SPATA17: variants seen among roughly 807,000 people sequenced by gnomAD.
SPATA17 encodes spermatogenesis-associated protein 17.
Under a neutral mutation model 62.2 loss-of-function variants are expected in SPATA17, and 53 were observed. That is an observed-to-expected ratio of 0.85 (90% CI 0.68 to 1.07). The LOEUF (loss-of-function observed/expected upper bound fraction) is 1.07. Among genes scored for constraint, SPATA17 ranks in the 50% least tolerant of loss-of-function variants. SPATA17 has a pLI of 0.00. For missense variants in SPATA17, 466 were observed against 425.5 expected, an observed-to-expected ratio of 1.10 and a Z score of -0.84; for synonymous variants, 146 against 146.8, an observed-to-expected ratio of 0.99 and a Z score of 0.04.
At chr1:217,697,261 G>A (rs773747054) in intron 5 of SPATA17, among the ~76,000 whole-genome samples, 5 of 152,172 alleles carry the variant, frequency 3.3e-5, no homozygotes, top group Admixed American at 1.3e-4. Flanking sequence ...GATTATAGGC[G>A]TGAGTCGCCG....
At chr1:217,844,917 T>A (rs1675489794) in intron 9 of SPATA17, among the ~76,000 whole-genome samples, 1 of 151,930 alleles carries the variant, frequency 6.6e-6, no homozygotes, top group African/African-American at 2.4e-5. Flanking sequence ...CTTTTTGAAT[T>A]TTTTTTTATT....
At position 217,869,389 on chromosome 1, in the gene SPATA17, A is replaced by G. The variant is rs1174367782; in HGVS notation, c.*2370A>G. On this transcript the variant is annotated 3_prime_UTR_variant, in exon 11 of 11. Transcript: ENST00000366933. ...GAAGCCTCCAGGTGGCAGACTTCAG[A>G]GAGCATAGATTGTAAATGTTTCTTA... The G allele has an allele frequency of 3.3e-5, 5 of 152,166 alleles. No individual in the cohort carries two copies. Among genetic ancestry groups the G allele is most frequent in the African/African-American group, 7.2e-5 (3 of 41,452 alleles). 9.4% of individuals were successfully genotyped at this position (152,166 alleles called of 1,614,324 possible).
At chr1:217,728,713 A>G (rs1672329173) in intron 5 of SPATA17, among the ~76,000 whole-genome samples, 1 of 152,206 alleles carries the variant, frequency 6.6e-6, no homozygotes, top group African/African-American at 2.4e-5. Flanking sequence ...TTCAATAAAT[A>G]GGTAAACTGT....
At chr1:217,734,667 C>T (rs1319076866) in intron 5 of SPATA17, among the ~76,000 whole-genome samples, 1 of 152,034 alleles carries the variant, frequency 6.6e-6, no homozygotes, top group Admixed American at 6.6e-5. Context: ...TTTAAGAAAT[C>T]TATGTAGTAT....
At chr1:217,704,877 G>T (rs1671696853) in intron 5 of SPATA17, among the ~76,000 whole-genome samples, 1 of 152,146 alleles carries the variant, frequency 6.6e-6, no homozygotes, top group African/African-American at 2.4e-5. Flanking sequence ...ATGAGCACAT[G>T]TCTTTATGGC....
intron 3 of SPATA17, among the ~76,000 whole-genome samples, chr1:217,667,111 G>A (rs1168608901): frequency 1.6e-5 from 2 of 126,482 alleles, no homozygotes; most frequent in Non-Finnish European, 3.1e-5. Flanking sequence ...GCAGTGGCTT[G>A]ATCTTGGCTC....
chr1:217,785,545 C>G (rs1453049602), intron 8 of SPATA17, among the ~76,000 whole-genome samples: 1 of 152,102 alleles, frequency 6.6e-6, no homozygotes, highest in Admixed American at 6.6e-5. Context: ...AAAATCTGCC[C>G]GCATGATCCA....
intron 9 of SPATA17, among the ~76,000 whole-genome samples, chr1:217,846,345 T>A (rs1169589350): frequency 3.3e-5 from 5 of 152,134 alleles, no homozygotes; most frequent in Admixed American, 6.6e-5. Flanking sequence ...CAGTCTAGCA[T>A]ATTAATATGT....
chr1:217,641,715 G>C (rs1334858950), intron 1 of SPATA17, among the ~76,000 whole-genome samples: 1 of 152,046 alleles, frequency 6.6e-6, no homozygotes, highest in Non-Finnish European at 1.5e-5. Context: ...TGAATCATAT[G>C]AGAGTAAGTT....
intron 3 of SPATA17, among the ~76,000 whole-genome samples, chr1:217,660,558 A>G (rs1357978900): frequency 6.6e-6 from 1 of 152,210 alleles, no homozygotes; most frequent in Admixed American, 6.5e-5. Flanking sequence ...CATAAAAAGG[A>G]TGATTCATAC....
chr1:217,747,736 C>T (rs939449888), intron 6 of SPATA17, among the ~76,000 whole-genome samples: 15 of 152,026 alleles, frequency 9.9e-5, no homozygotes, highest in African/African-American at 3.6e-4. Context: ...ACTTTAATTA[C>T]AATTGTTACA....
intron 5 of SPATA17, among the ~76,000 whole-genome samples, chr1:217,713,449 G>A (rs1671926400): frequency 6.6e-6 from 1 of 152,126 alleles, no homozygotes; most frequent in African/African-American, 2.4e-5. Flanking sequence ...ATGAAGAGAT[G>A]ACTCATTAGG....
chr1:217,679,706 A>G (rs1292760423), intron 4 of SPATA17, among the ~76,000 whole-genome samples: 1 of 152,244 alleles, frequency 6.6e-6, no homozygotes, highest in African/African-American at 2.4e-5. Context: ...TCAGGACATT[A>G]GAATGTTTTC....
chr1:217,859,956 G>T (rs993894758), intron 9 of SPATA17, among the ~76,000 whole-genome samples: 2 of 151,780 alleles, frequency 1.3e-5, no homozygotes, highest in Non-Finnish European at 2.9e-5. Context: ...TAATTAATTT[G>T]CTCTTTTTAA....
intron 9 of SPATA17, among the ~76,000 whole-genome samples, chr1:217,841,103 G>A (rs1675385147): frequency 6.6e-6 from 1 of 151,646 alleles, no homozygotes; most frequent in South Asian, 2.1e-4. Context: ...ATGTTTAAGT[G>A]GTAAAATGTT....
intron 8 of SPATA17, among the ~76,000 whole-genome samples, chr1:217,798,085 G>T (rs1376623956): frequency 1.3e-5 from 2 of 152,054 alleles, no homozygotes; most frequent in Non-Finnish European, 2.9e-5. Context: ...CTAAAATTTT[G>T]CTATAAGAAC....
At chr1:217,712,643 A>T (rs1489097525) in intron 5 of SPATA17, among the ~76,000 whole-genome samples, 1 of 151,972 alleles carries the variant, frequency 6.6e-6, no homozygotes, top group Non-Finnish European at 1.5e-5. Context: ...TTTTTATTTT[A>T]GCAATTTTTA....
At chr1:217,800,346 T>C (rs1674277791) in intron 8 of SPATA17, among the ~76,000 whole-genome samples, 1 of 151,552 alleles carries the variant, frequency 6.6e-6, no homozygotes, top group African/African-American at 2.4e-5. Flanking sequence ...ATCAGTCTTC[T>C]GAAGGATATA....
chr1:217,861,315 T>C (rs1190716866), intron 9 of SPATA17, among the ~76,000 whole-genome samples: 3 of 151,254 alleles, frequency 2.0e-5, no homozygotes, highest in African/African-American at 7.3e-5. Flanking sequence ...CCATATCATT[T>C]GCCTCTCACT....
Sources: gnomAD v4.1 joint callset for allele counts (sites outside exome capture counted in the v4.1 genomes callset) on GRCh38, gnomAD v4.1.1 for gene constraint, MANE v1.5 for transcripts, NCBI Gene and HGNC (gene_info 2026-07-23, HGNC 2026-07-21) for gene names.